The following RIMS2 variants were observed in gnomAD, a reference collection of about 807,000 sequenced individuals.
RIMS2 encodes regulating synaptic membrane exocytosis protein 2.
In RIMS2, 59 loss-of-function variants were observed where a neutral mutation model predicts 174.4. That is an observed-to-expected ratio of 0.34 (90% CI 0.27 to 0.42). The LOEUF is 0.42. RIMS2 is among the 10% of genes least tolerant of loss of function. The pLI, the probability that RIMS2 is intolerant of heterozygous loss-of-function variation, is 1.00. For missense variants in RIMS2, 1,620 were observed against 1,666.3 expected (o/e 0.97, Z 0.48); for synonymous variants, 606 against 572.5 (o/e 1.06, Z -0.84).
intron 3 of RIMS2, chr8:103,819,500 G>A: frequency 6.2e-7 from 1 of 1,611,116 alleles, no homozygotes; most frequent in Admixed American, 1.7e-5. Context: ...GAAAAAAAAA[G>A]AAAGAAAATG....
intron 19 of RIMS2, among the ~76,000 whole-genome samples, chr8:104,079,533 TATG>T (rs1481965249): frequency 2.8e-5 from 4 of 142,440 alleles, no homozygotes; most frequent in Non-Finnish European, 6.1e-5. Context: ...AGGAAGAAAA[TATG>T]ATCAAATAGA....
intron 1 of RIMS2, among the ~76,000 whole-genome samples, chr8:103,613,488 C>T (rs903630417): frequency 2.0e-5 from 3 of 152,218 alleles, no homozygotes; most frequent in African/African-American, 7.2e-5. Context: ...TCCAGAAATT[C>T]TCTCCAAGAG....
chr8:104,005,424 AC>A (rs1168375329), intron 17 of RIMS2, among the ~76,000 whole-genome samples: 2 of 152,214 alleles, frequency 1.3e-5, no homozygotes, highest in African/African-American at 4.8e-5. Flanking sequence ...AGCAGAGGCT[AC>A]ACAGTTGAAC....
chr8:104,020,235 G>A (rs1259017097), intron 19 of RIMS2, among the ~76,000 whole-genome samples: 1 of 150,558 alleles, frequency 6.6e-6, no homozygotes, highest in East Asian at 1.9e-4. Context: ...TTTTTATTTT[G>A]GTTATTAATG....
intron 1 of RIMS2, among the ~76,000 whole-genome samples, chr8:103,555,882 A>G (rs995036161): frequency 6.6e-6 from 1 of 151,894 alleles, no homozygotes; most frequent in Admixed American, 6.6e-5. Flanking sequence ...ATCCTATCAT[A>G]TGCAACAACG....
intron 3 of RIMS2, among the ~76,000 whole-genome samples, chr8:103,841,301 A>G (rs2098938205): frequency 6.6e-6 from 1 of 152,122 alleles, no homozygotes; most frequent in African/African-American, 2.4e-5. Flanking sequence ...CAAGATCTGA[A>G]ATTGCTGCTT....
chr8:103,536,524 C>T (rs1032762385), intron 1 of RIMS2, among the ~76,000 whole-genome samples: 10 of 152,118 alleles, frequency 6.6e-5, no homozygotes, highest in African/African-American at 2.4e-4. Flanking sequence ...CATGGTTCCT[C>T]AGGCTGTACA....
At chr8:103,676,437 T>C (rs552239013) in intron 1 of RIMS2, among the ~76,000 whole-genome samples, 80 of 152,346 alleles carry the variant, frequency 5.3e-4, no homozygotes, top group Middle Eastern at 6.8e-3. Context: ...CTACTTTACC[T>C]GAGGGCCTAC....
intron 1 of RIMS2, among the ~76,000 whole-genome samples, chr8:103,622,513 T>C (rs1261358406): frequency 6.6e-6 from 1 of 152,170 alleles, no homozygotes; most frequent in Non-Finnish European, 1.5e-5. Flanking sequence ...TAAATATATG[T>C]AACATTTTTA....
At chr8:103,985,374 T>G (rs747469641) in intron 16 of RIMS2, among the ~76,000 whole-genome samples, 5 of 143,646 alleles carry the variant, frequency 3.5e-5, no homozygotes, top group African/African-American at 5.2e-5. Context: ...CTTGGAAGGC[T>G]GAGTCAGGAA....
chr8:104,190,991 A>G (rs1441022854), intron 19 of RIMS2, among the ~76,000 whole-genome samples: 3 of 151,212 alleles, frequency 2.0e-5, no homozygotes, highest in Admixed American at 2.0e-4. Flanking sequence ...CAGTAGACAG[A>G]GGTGATAAAG....
intron 1 of RIMS2, among the ~76,000 whole-genome samples, chr8:103,521,481 A>G (rs562594338): frequency 8.9e-4 from 136 of 152,064 alleles, no homozygotes; most frequent in African/African-American, 3.1e-3. Context: ...ACTTAATAGG[A>G]TATCATAAAT....
intron 19 of RIMS2, among the ~76,000 whole-genome samples, chr8:104,070,163 T>G (rs933693400): frequency 6.6e-5 from 10 of 152,200 alleles, no homozygotes; most frequent in African/African-American, 2.2e-4. Context: ...ATGTACCAGT[T>G]TCTAGCTTCT....
intron 14 of RIMS2, among the ~76,000 whole-genome samples, chr8:103,949,136 A>AT (rs2084629503): frequency 6.9e-6 from 1 of 145,360 alleles, no homozygotes; most frequent in African/African-American, 2.7e-5. Flanking sequence ...AAAAAAAAAA[A>AT]AAAAAAAAAA....
chr8:103,892,248 G>A (rs985775460), intron 4 of RIMS2, among the ~76,000 whole-genome samples: 4 of 151,254 alleles, frequency 2.6e-5, no homozygotes, highest in African/African-American at 9.7e-5. Context: ...CTGTTATCCA[G>A]GCTGGAGTGC....
At chr8:104,055,311 G>T (rs1168632848) in intron 19 of RIMS2, among the ~76,000 whole-genome samples, 1 of 152,032 alleles carries the variant, frequency 6.6e-6, no homozygotes, top group Non-Finnish European at 1.5e-5. Context: ...AGTGATATTT[G>T]ATAATTATGT....
At chr8:103,769,099 T>G (rs1257115303) in intron 3 of RIMS2, 2 of 193,842 alleles carry the variant, frequency 1.0e-5, no homozygotes, top group Non-Finnish European at 2.2e-5. Context: ...AGACTCCATT[T>G]GTTTAAAAAT....
At chr8:103,511,198 G>C (rs1826279621) in intron 1 of RIMS2, among the ~76,000 whole-genome samples, 3 of 152,096 alleles carry the variant, frequency 2.0e-5, no homozygotes, top group Admixed American at 2.0e-4. Flanking sequence ...AGTGTGAATT[G>C]TTCTGTGCCC....
exon 1 of RIMS2, chr8:103,500,822 C>T: frequency 9.1e-7 from 1 of 1,094,524 alleles, no homozygotes; most frequent in Non-Finnish European, 1.3e-6. Flanking sequence ...AGCCGCCGCG[C>T]CGGTGCCGCC....
Sources: allele counts gnomAD v4.1 joint callset (sites outside exome capture counted in the v4.1 genomes callset), GRCh38; gene constraint gnomAD v4.1.1; transcripts MANE v1.5; gene names NCBI Gene and HGNC (gene_info 2026-07-23, HGNC 2026-07-21).